MAP1B: variants seen among roughly 807,000 people sequenced by gnomAD.
MAP1B encodes the protein microtubule-associated protein 1B.
In MAP1B, 12 loss-of-function variants were observed where a neutral mutation model predicts 176.1. That is an observed-to-expected ratio of 0.07 (90% CI 0.04 to 0.11). The LOEUF (loss-of-function observed/expected upper bound fraction) is 0.11. Among genes scored for constraint, MAP1B ranks in the 10% least tolerant of loss-of-function variants. MAP1B has a pLI of 1.00. For synonymous variants in MAP1B, 1,044 were observed against 1,135.0 expected (o/e 0.92, Z 1.61); for missense variants, 2,523 against 2,990.5 (o/e 0.84, Z 3.65).
chr5:72,127,725 A>G (rs1446207482), intron 2 of MAP1B, among the ~76,000 whole-genome samples: 2 of 152,268 alleles, frequency 1.3e-5, no homozygotes, highest in Admixed American at 6.5e-5. Context: ...TAATGATAAT[A>G]TATCCATGGA....
In MAP1B at chr5:72,199,634, C is replaced by G. The variant is rs1747280306; in HGVS notation, c.6279C>G (p.Pro2093=). The G allele has an allele frequency of 6.2e-7, 1 of 1,614,058 alleles. No homozygotes were observed. Among genetic ancestry groups the G allele is most frequent in the African/African-American group, 1.3e-5 (1 of 74,914 alleles). The part of the protein sequence containing the change: ...CLVSSCEYKH[P]KTELSPSFIN... The stretch of plus-strand genomic sequence containing the variant: ...TGTCCTCTTGTGAATACAAGCACCC[C>G]AAGACAGAGCTTTCACCCTCTTTCA... The change falls in exon 5 of 7, where the codon CCC becomes CCG. Residue 2093 remains proline, a synonymous_variant. Coordinates refer to ENST00000296755, the MANE Select transcript of MAP1B (RefSeq NM_005909.5). This position sits in a 1 kb window ranked among gnomAD's most constrained non-coding sequence, Gnocchi z 4.2.
intron 1 of MAP1B, among the ~76,000 whole-genome samples, chr5:72,113,774 G>C (rs1745384228): frequency 6.6e-6 from 1 of 152,178 alleles, no homozygotes; most frequent in Non-Finnish European, 1.5e-5. Context: ...CAATTAAGCA[G>C]CTCAGACAGG....
rs76449609 is a variant in MAP1B at position 72,125,909 on chromosome 5, G to A, written c.286+10110G>A. On this transcript the variant is annotated intron_variant, in intron 2 of 6. Coordinates refer to ENST00000296755, the MANE Select transcript of MAP1B (RefSeq NM_005909.5). ...AATTCACCCTTCTGAAATCATGTGA[G>A]AACAAAACTCCTGACCTGGATGTAT... is the stretch of plus-strand genomic sequence containing the variant. 6.5e-4 allele frequency among the ~76,000 whole-genome samples: 96 copies of A among 147,944 alleles called. 1 individual carries two copies. Among genetic ancestry groups the A allele is most frequent in the African/African-American group, 2.3e-3 (87 of 38,216 alleles).
In MAP1B at chr5:72,199,255, C is replaced by A. The variant is rs1391949659; in HGVS notation, c.5900C>A (p.Pro1967His). 1.2e-6 allele frequency: 2 copies of A among 1,613,980 alleles called. No individual in the cohort carries two copies. Among genetic ancestry groups the A allele is most frequent in the Non-Finnish European group, 1.7e-6 (2 of 1,180,030 alleles). Residue 1967 changes from proline (P) to histidine (H), a missense_variant, in exon 5 of 7, where the codon CCC (proline) becomes CAC (histidine). This residue lies in a region of MAP1B where 1,925 missense variants were observed against 2,126.0 expected (regional missense o/e 0.91). Transcript: ENST00000296755. The surrounding 1 kb of genome is among the most constrained non-coding windows in gnomAD (Gnocchi z 4.2). ...ATAAGTGAAAAGACCACCAGCCCCC[C>A]CGAAGTGAGTGGTTACAGCTATGAA... ...YDISEKTTSP[P>H]EVSGYSYEKT...
At chr5:72,188,418 G>A (rs1276743526) in intron 4 of MAP1B, among the ~76,000 whole-genome samples, 1 of 152,146 alleles carries the variant, frequency 6.6e-6, no homozygotes, top group Non-Finnish European at 1.5e-5. Context: ...ATGCACATGG[G>A]CACTTTCCAC....
At chr5:72,172,496 G>A (rs1746565209) in intron 2 of MAP1B, among the ~76,000 whole-genome samples, 2 of 152,092 alleles carry the variant, frequency 1.3e-5, no homozygotes, top group South Asian at 4.1e-4. Flanking sequence ...TTAAAAGGCA[G>A]CTGGTTTTGA....
At chr5:72,154,762 C>A (rs1746199380) in intron 2 of MAP1B, among the ~76,000 whole-genome samples, 1 of 152,202 alleles carries the variant, frequency 6.6e-6, no homozygotes, top group Non-Finnish European at 1.5e-5. Context: ...TCTGGAGATT[C>A]CAGTAGGCAC....
intron 2 of MAP1B, among the ~76,000 whole-genome samples, chr5:72,133,786 C>T (rs558859382): frequency 6.6e-6 from 1 of 152,336 alleles, no homozygotes; most frequent in South Asian, 2.1e-4. Flanking sequence ...AAAGCTGATT[C>T]ATCTTGACTC....
rs769534377 is a variant in MAP1B, at chr5:72,194,045, C to T, written c.690C>T (p.Thr230=). The T allele has an allele frequency of 1.5e-5, 25 of 1,614,038 alleles. No homozygotes were observed. The highest frequency in any genetic ancestry group is 2.2e-5 in the South Asian group (2 of 91,084). The change falls in exon 5 of 7, where the codon ACC becomes ACT. Residue 230 remains threonine (T), a synonymous_variant. Coordinates refer to ENST00000296755, the MANE Select transcript of MAP1B (RefSeq NM_005909.5). The surrounding 1 kb of genome is among the most constrained non-coding windows in gnomAD (Gnocchi z 7.2). ...LPEMEGLSEF[T]EYLSESVEVP... ...AAATGGAAGGACTTTCTGAGTTTAC[C>T]GAGTATCTCTCAGAATCAGTGGAAG...
rs575464211 is a variant in MAP1B, at chr5:72,150,112, A to G, written c.287-33631A>G. ...TGAAATTGGGCTGATATTAAGTCCCATTTAGCTTTTACAAAAATAAATATG... is the reference window on the plus strand; with the variant it reads ...TGAAATTGGGCTGATATTAAGTCCCGTTTAGCTTTTACAAAAATAAATATG... On this transcript the variant is annotated intron_variant, in intron 2 of 6. Coordinates refer to ENST00000296755, the MANE Select transcript of MAP1B (RefSeq NM_005909.5). 3.2e-4 allele frequency among the ~76,000 whole-genome samples: 48 copies of G among 152,358 alleles called. 1 individual carries two copies. The East Asian group carries it at 8.3e-3, about 26-fold the overall frequency.
intron 2 of MAP1B, among the ~76,000 whole-genome samples, chr5:72,176,661 A>G (rs745462605): frequency 7.2e-5 from 11 of 152,160 alleles, no homozygotes; most frequent in Non-Finnish European, 1.2e-4. Flanking sequence ...ACCCATTTCT[A>G]TGTATTAGCC....
In MAP1B at chr5:72,199,714, A is replaced by T. The variant is rs1338324021; in HGVS notation, c.6359A>T (p.Glu2120Val). Residue 2120 changes from glutamate (E) to valine (V), a missense_variant, in exon 5 of 7, where the codon GAA becomes GTA. By Grantham distance (121) the Glu-to-Val change is moderately radical. Around this residue, in one of 4 missense-constraint regions of MAP1B, gnomAD observed 1,925 missense variants for 2,126.0 expected, o/e 0.91. Transcript: ENST00000296755. The surrounding 1 kb of genome is among the most constrained non-coding windows in gnomAD (Gnocchi z 4.2). ...AGTGAAGAACCCACTGAAGAATCTGAAAAGCCCCTCACTCAATCAGGGGGA... is the reference window on the plus strand; with the variant it reads ...AGTGAAGAACCCACTGAAGAATCTGTAAAGCCCCTCACTCAATCAGGGGGA... The part of the protein sequence containing the change: ...FASEEPTEES[E>V]KPLTQSGGAP... 6.2e-7 allele frequency: 1 copy of T among 1,614,148 alleles called. No homozygotes were observed. Among genetic ancestry groups the T allele is most frequent in the East Asian group, 2.2e-5 (1 of 44,886 alleles).
chr5:72,160,319 A>G (rs1746304969), intron 2 of MAP1B, among the ~76,000 whole-genome samples: 1 of 152,062 alleles, frequency 6.6e-6, no homozygotes, highest in African/African-American at 2.4e-5. Context: ...GAGCAATGGT[A>G]TTAGGTCTTT....
chr5:72,193,788 G>A (rs1378786311), intron 4 of MAP1B, 78 bp from the exon 5 acceptor site: 3 of 1,439,406 alleles, frequency 2.1e-6, no homozygotes, highest in Admixed American at 2.5e-5. Context: ...GTAACACATA[G>A]TTATAGCTGG....
intron 2 of MAP1B, among the ~76,000 whole-genome samples, chr5:72,181,799 G>A (rs1189789875): frequency 6.7e-6 from 1 of 150,194 alleles, no homozygotes; most frequent in Non-Finnish European, 1.5e-5. Context: ...TCGGCTCACT[G>A]CAACCTCTGC....
intron 2 of MAP1B, among the ~76,000 whole-genome samples, chr5:72,161,998 G>GA (rs1303604418): frequency 7.1e-6 from 1 of 140,182 alleles, no homozygotes; most frequent in Non-Finnish European, 1.6e-5. Context: ...AGAAAGAAAA[G>GA]AAAAAAACAG....
rs1444260311 is a variant in MAP1B, at chr5:72,206,580, T to C, written c.*1341T>C. The C allele has an allele frequency of 6.6e-6, 1 of 152,554 alleles. No individual in the cohort carries two copies. The highest frequency in any genetic ancestry group is 1.5e-5 in the Non-Finnish European group (1 of 68,030). The allele number at this position is 152,554 out of a possible 1,614,324, so 9.5% of individuals were successfully genotyped here. ...TTTTCCATTAATTTCAACATAATTA[T>C]GGGAACAAGTGTACAGAAGAATTTT... On this transcript the variant is annotated 3_prime_UTR_variant, in exon 7 of 7. Transcript: ENST00000296755.
intron 2 of MAP1B, among the ~76,000 whole-genome samples, chr5:72,178,296 C>A (rs984833352): frequency 6.6e-6 from 1 of 152,250 alleles, no homozygotes; most frequent in Non-Finnish European, 1.5e-5. Flanking sequence ...AGCCACCGTG[C>A]CTGGCCTGAA....
At chr5:72,150,345 A>G (rs944635552) in intron 2 of MAP1B, among the ~76,000 whole-genome samples, 3 of 152,358 alleles carry the variant, frequency 2.0e-5, no homozygotes, top group African/African-American at 7.2e-5. Context: ...ACTGGCATGT[A>G]TTAATATTTT....
Sources: gnomAD v4.1 joint callset for allele counts (sites outside exome capture counted in the v4.1 genomes callset) on GRCh38, gnomAD v4.1.1 for gene constraint, gnomAD v4.1.1 regional missense constraint, Gnocchi (gnomAD v3.1) non-coding constraint, MANE v1.5 for transcripts, NCBI Gene and HGNC (gene_info 2026-07-23, HGNC 2026-07-21) for gene names.